The following IFI35 variants were observed in gnomAD, a reference collection of about 807,000 sequenced individuals.
IFI35 encodes interferon induced protein 35.
Under a neutral mutation model 28.6 loss-of-function variants are expected in IFI35, and 30 were observed. The observed-to-expected ratio is 1.05, with a 90% CI of 0.79 to 1.43. The LOEUF (loss-of-function observed/expected upper bound fraction) is 1.43, where lower values mean the gene tolerates loss of function less well. Among genes scored for constraint, IFI35 ranks in the 40% most tolerant of loss-of-function variants. IFI35 has a pLI of 0.00. For synonymous variants in IFI35, 146 were observed against 154.8 expected (o/e 0.94, Z 0.42); for missense variants, 372 against 356.9 (o/e 1.04, Z -0.34).
At chr17:43,012,770 G>C (rs1381489905) in intron 2 of IFI35, among the ~76,000 whole-genome samples, 1 of 152,028 alleles carries the variant, frequency 6.6e-6, no homozygotes, top group East Asian at 1.9e-4. Context: ...GGGAGTTCTC[G>C]GTTTTATTCC....
chr17:43,010,527 T>A (rs1185152052), intron 1 of IFI35, among the ~76,000 whole-genome samples: 1 of 152,230 alleles, frequency 6.6e-6, no homozygotes, highest in African/African-American at 2.4e-5. Context: ...TTATCCTACA[T>A]GGCTCTATTA....
Position 43,007,067 on chromosome 17 carries a change from C to G in IFI35, c.21+99C>G, listed in dbSNP as rs1455710128. On this transcript the variant is annotated intron_variant, in intron 1 of 6. Transcript: ENST00000415816. ...CAGGGCCTGGCAGCCAAGCCTCACC[C>G]TGCCCATCTCAGACCTGCTGAAGGG... 6 of 1,304,600 alleles carry G rather than the reference C, an allele frequency of 4.6e-6. 1 individual carries two copies. The highest frequency in any genetic ancestry group is 3.7e-4 in the Middle Eastern group (2 of 5,402). 80.8% of individuals were successfully genotyped at this position (1,304,600 alleles called of 1,614,324 possible).
intron 1 of IFI35, among the ~76,000 whole-genome samples, chr17:43,007,374 G>A (rs2050416521): frequency 6.6e-6 from 1 of 152,032 alleles, no homozygotes; most frequent in Admixed American, 6.6e-5. Flanking sequence ...GTGTGGTGGT[G>A]TGCGCCTGTA....
At chr17:43,013,219 G>C (rs914851029) in intron 3 of IFI35, 25 bp downstream of exon 3, 2 of 1,614,098 alleles carry the variant, frequency 1.2e-6, no homozygotes, top group Admixed American at 1.7e-5. Context: ...AGCCTCAGGA[G>C]GGAGGTGGGG....
In IFI35 at chr17:43,006,880, G is replaced by C. The variant is rs1037071115; in HGVS notation, c.-68G>C. The C allele has an allele frequency of 6.4e-7, 1 of 1,573,584 alleles. No individual in the cohort carries two copies. ...TTTGGGGGGTACAAACAAGAGTTCA[G>C]TTGCTGTGAATTCTGCCACTGTGCC... On this transcript the variant is annotated 5_prime_UTR_variant, in exon 1 of 7. Coordinates refer to ENST00000415816, the MANE Select transcript of IFI35 (RefSeq NM_001330230.2).
chr17:43,013,844 G>A lies in IFI35; in HGVS notation c.631G>A (p.Val211Ile). The change falls in exon 6 of 7, where the codon GTC becomes ATC. Residue 211 changes from valine (V) to isoleucine (I), a missense_variant. Physicochemically the swap from Val to Ile is conservative, Grantham distance 29. Coordinates refer to ENST00000415816, the MANE Select transcript of IFI35 (RefSeq NM_001330230.2). ...PLGGQQVPLR[V>I]SPYVNGEIQK... ...GGGTGGGCAGCAAGTCCCTCTGAGAGTCTCTCCGTATGTGAACGGGGAGAT... is the reference window on the plus strand; with the variant it reads ...GGGTGGGCAGCAAGTCCCTCTGAGAATCTCTCCGTATGTGAACGGGGAGAT... The A allele has an allele frequency of 1.2e-6, 2 of 1,610,360 alleles. No individual in the cohort carries two copies. The highest frequency in any genetic ancestry group is 1.1e-5 in the South Asian group (1 of 90,742).
At chr17:43,012,869 G>C in intron 2 of IFI35, 178 bp from the exon 3 acceptor site, 1 of 678,162 alleles carries the variant, frequency 1.5e-6, no homozygotes, top group African/African-American at 1.8e-5. Flanking sequence ...GACAAATTAA[G>C]ATGTTGTATG....
chr17:43,008,733 C>A (rs2050432427), intron 1 of IFI35, among the ~76,000 whole-genome samples: 1 of 151,824 alleles, frequency 6.6e-6, no homozygotes, highest in African/African-American at 2.4e-5. Flanking sequence ...CTGTGTTAGG[C>A]AGGATGGTCT....
At chr17:43,011,854 C>G (rs1309370047) in intron 1 of IFI35, among the ~76,000 whole-genome samples, 1 of 152,188 alleles carries the variant, frequency 6.6e-6, no homozygotes. Flanking sequence ...GGGTCGTACC[C>G]TTATCTTCCA....
At chr17:43,010,230 G>A (rs6503724) in intron 1 of IFI35, among the ~76,000 whole-genome samples, 113,851 of 150,830 alleles carry the variant, frequency 0.75, 43,193 homozygotes, top group East Asian at 0.84. Flanking sequence ...GTGAGACTCC[G>A]TCCCAAAAAG....
chr17:43,009,204 G>A (rs963509729), intron 1 of IFI35, among the ~76,000 whole-genome samples: 2 of 151,400 alleles, frequency 1.3e-5, no homozygotes, highest in African/African-American at 4.9e-5. Context: ...TTGTCCTGTT[G>A]CCCAGGCTGG....
Position 43,013,556 on chromosome 17 carries a change from G to A in IFI35, c.456G>A (p.Leu152=), listed in dbSNP as rs1199471045. 1 of 1,614,128 alleles carries A rather than the reference G, an allele frequency of 6.2e-7. No homozygotes were observed. The highest frequency in any genetic ancestry group is 1.1e-5 in the South Asian group (1 of 91,076). The change falls in exon 5 of 7, where the codon CTG becomes CTA. Residue 152 remains leucine (L), a synonymous_variant. Transcript: ENST00000415816. ...TCAGGCTGAGTGAGGAGGAGCTGCTGGACAAGCTAGAGATCTTCTTTGGCA... is the reference window on the plus strand; with the variant it reads ...TCAGGCTGAGTGAGGAGGAGCTGCTAGACAAGCTAGAGATCTTCTTTGGCA... ...ASLRLSEEEL[L]DKLEIFFGKT... is the part of the protein sequence containing the mutation.
rs1567741710 is a variant in IFI35 at position 43,007,850 on chromosome 17, TATATA to T, written c.21+883_21+887del. On this transcript the variant is annotated intron_variant, in intron 1 of 6. Transcript: ENST00000415816. ...CACACACACACACACACAAAATTTA[TATATA>T]TATATATATATATATATACTATAAG... Among the ~76,000 whole-genome samples the T allele has an allele frequency of 6.1e-4, 22 of 35,948 alleles. 1 individual carries two copies. The highest frequency in any genetic ancestry group is 2.3e-3 in the Admixed American group (4 of 1,776). 23.6% of individuals were successfully genotyped at this position (35,948 alleles called of 152,430 possible).
At chr17:43,009,881 C>T (rs1312070549) in intron 1 of IFI35, among the ~76,000 whole-genome samples, 4 of 150,210 alleles carry the variant, frequency 2.7e-5, no homozygotes, top group Non-Finnish European at 4.4e-5. Flanking sequence ...TGCAGCGAGC[C>T]GATATTGCGC....
intron 1 of IFI35, 88 bp from the exon 2 acceptor site, chr17:43,012,091 G>A (rs780470316): frequency 5.8e-5 from 52 of 893,932 alleles, no homozygotes; most frequent in Non-Finnish European, 7.9e-5. Context: ...TGCTTTTGGA[G>A]CGTCCAGAAT....
Position 43,014,182 on chromosome 17 carries a change from T to C in IFI35, c.744T>C (p.His248=), listed in dbSNP as rs1567744758. Reference sequence around the variant, plus strand: ...ATATCTTGGATGGCCCGGAGCTGCATGACGTCCTGGAGATCCACTTCCAGA... The same window carrying C: ...ATATCTTGGATGGCCCGGAGCTGCACGACGTCCTGGAGATCCACTTCCAGA... ...IPDILDGPEL[H]DVLEIHFQKP... is the part of the protein sequence containing the mutation. Residue 248 remains histidine (H), a synonymous_variant, in exon 7 of 7, where the codon CAT becomes CAC. Transcript: ENST00000415816. 1 of 1,614,040 alleles carries C rather than the reference T, an allele frequency of 6.2e-7. No homozygotes were observed. The highest frequency in any genetic ancestry group is 1.3e-5 in the African/African-American group (1 of 75,034).
intron 2 of IFI35, 129 bp downstream of exon 2, chr17:43,012,406 A>G: frequency 1.7e-6 from 1 of 580,664 alleles, no homozygotes; most frequent in Non-Finnish European, 3.0e-6. Context: ...GGAGTTTGAG[A>G]CCAGCCTGGC....
Position 43,014,242 on chromosome 17 carries a change from G to A in IFI35, c.804G>A (p.Leu268=). The part of the protein sequence containing the change: ...PTRGGGEVEA[L]TVVPQGQQGL... ...GCGGGGGCGGGGAGGTAGAGGCCCT[G>A]ACAGTCGTACCCCAAGGACAGCAGG... is the stretch of plus-strand genomic sequence containing the variant. Residue 268 remains leucine (L), a synonymous_variant, in exon 7 of 7, where the codon CTG becomes CTA. Coordinates refer to ENST00000415816, the MANE Select transcript of IFI35 (RefSeq NM_001330230.2). The A allele has an allele frequency of 6.2e-7, 1 of 1,609,896 alleles. No individual in the cohort carries two copies. Among genetic ancestry groups the A allele is most frequent in the Non-Finnish European group, 8.5e-7 (1 of 1,178,056 alleles).
At chr17:43,010,276 G>A (rs1286142505) in intron 1 of IFI35, among the ~76,000 whole-genome samples, 1 of 151,822 alleles carries the variant, frequency 6.6e-6, no homozygotes, top group African/African-American at 2.4e-5. Flanking sequence ...GATGGCACAC[G>A]CCTGTACTCA....
Sources: allele counts gnomAD v4.1 joint callset (sites outside exome capture counted in the v4.1 genomes callset), GRCh38; gene constraint gnomAD v4.1.1; transcripts MANE v1.5; gene names NCBI Gene and HGNC (gene_info 2026-07-23, HGNC 2026-07-21).